The following MEIOB variants were observed in gnomAD, a reference collection of about 807,000 sequenced individuals.
The protein encoded by MEIOB is meiosis specific with OB-fold, also known as meiosis-specific with OB domain-containing protein.
MEIOB carries 50 observed loss-of-function variants against 53.1 expected under a neutral mutation model. The observed-to-expected ratio is 0.94, with a 90% CI of 0.75 to 1.19. The LOEUF (loss-of-function observed/expected upper bound fraction) is 1.19, where lower values mean the gene tolerates loss of function less well. Among genes scored for constraint, MEIOB ranks in the 50% most tolerant of loss-of-function variants. The pLI is 0.00. For synonymous variants in MEIOB, 192 were observed against 182.5 expected (o/e 1.05, Z -0.42); for missense variants, 551 against 550.8 (o/e 1.00, Z 0.00).
chr16:1,841,863 G>T lies in MEIOB; in HGVS notation c.991C>A (p.Leu331Ile), dbSNP rs1898919964. The stretch of plus-strand genomic sequence containing the variant: ...TTTGTAGTTTCATCATCAATGTTGA[G>T]TGTGGAAATGTAGGCATAAAGGATG... ...YGILYAYIST[L>I]NIDDETTKVV... The change falls in exon 11 of 14, where the codon CTC (leucine) becomes ATC (isoleucine). Residue 331 changes from leucine (L) to isoleucine (I), a missense_variant. By Grantham distance (5) the Leu-to-Ile change is conservative (BLOSUM62 2). Coordinates refer to ENST00000325962, the MANE Select transcript of MEIOB (RefSeq NM_001163560.3). 2.5e-6 allele frequency: 4 copies of T among 1,604,194 alleles called. No homozygotes were observed. Among genetic ancestry groups the T allele is most frequent in the Non-Finnish European group, 3.4e-6 (4 of 1,175,946 alleles).
chr16:1,834,556 G>C (rs1898688374), intron 13 of MEIOB, among the ~76,000 whole-genome samples, 190 bp from the exon 14 acceptor site: 1 of 152,196 alleles, frequency 6.6e-6, no homozygotes, highest in South Asian at 2.1e-4. Context: ...TTAATTTACA[G>C]GCCCAGCTTC....
chr16:1,848,597 C>T (rs1286021178), intron 9 of MEIOB, among the ~76,000 whole-genome samples: 1 of 138,192 alleles, frequency 7.2e-6, no homozygotes, highest in Non-Finnish European at 1.5e-5. Context: ...GGCTGGGATG[C>T]AGTGGCATGA....
At position 1,868,171 on chromosome 16, in the gene MEIOB, G is replaced by A; in HGVS notation, c.5C>T (p.Ala2Val). 6.6e-7 allele frequency: 1 copy of A among 1,517,458 alleles called. No homozygotes were observed. The highest frequency in any genetic ancestry group is 8.9e-7 in the Non-Finnish European group (1 of 1,121,216). The allele number at this position is 1,517,458 out of a possible 1,614,324, so 94.0% of individuals were successfully genotyped here. A position where few individuals can be genotyped will look rare whatever the true frequency, so the allele number is the denominator to read the frequency against. The change falls in exon 2 of 14, where the codon GCA becomes GTA. Residue 2 changes from alanine to valine, a missense_variant. Coordinates refer to ENST00000325962, the MANE Select transcript of MEIOB (RefSeq NM_001163560.3). MANSFAARIFTT... is the reference protein window; with the variant it reads MVNSFAARIFTT... The stretch of plus-strand genomic sequence containing the variant: ...GAAAATCCTCGCTGCAAAGGAGTTT[G>A]CCATTTTTTTAATCTGCATTTTAGA...
intron 6 of MEIOB, among the ~76,000 whole-genome samples, chr16:1,855,648 T>C (rs1899281592): frequency 6.6e-6 from 1 of 152,198 alleles, no homozygotes; most frequent in African/African-American, 2.4e-5. Context: ...AATAGCACTG[T>C]CTAGAATTTG....
chr16:1,847,540 G>C (rs1273159232), intron 9 of MEIOB, among the ~76,000 whole-genome samples: 1 of 151,732 alleles, frequency 6.6e-6, no homozygotes, highest in Admixed American at 6.6e-5. Context: ...GGAGGCTGAG[G>C]CAGGAGGATT....
chr16:1,860,089 C>G (rs976167944), intron 5 of MEIOB, among the ~76,000 whole-genome samples: 1 of 152,186 alleles, frequency 6.6e-6, no homozygotes. Context: ...TAGAAGGATA[C>G]CTTGACATGA....
chr16:1,851,208 C>CG (rs1300010240), intron 9 of MEIOB, among the ~76,000 whole-genome samples: 1 of 152,182 alleles, frequency 6.6e-6, no homozygotes, highest in African/African-American at 2.4e-5. Context: ...CATCTCTTCT[C>CG]AGAACAGCTC....
chr16:1,868,077 T>A, intron 2 of MEIOB, 30 bp downstream of exon 2: 1 of 1,193,724 alleles, frequency 8.4e-7, no homozygotes, highest in Non-Finnish European at 1.2e-6. Context: ...ATGTCATCAG[T>A]AAGCAAATCA....
chr16:1,857,841 T>C lies in MEIOB; in HGVS notation c.422A>G (p.His141Arg), dbSNP rs1334307596. 1 of 1,550,928 alleles carries C rather than the reference T, an allele frequency of 6.4e-7. No individual in the cohort carries two copies. The highest frequency in any genetic ancestry group is 1.4e-5 in the African/African-American group (1 of 73,042). ...EVDTKLLSLI[H>R]LPVKESHDYY... ...ATCATGAGACTCTTTAACAGGTAAA[T>C]GTATCAAAGAAAGTAACTTTGTGTC... Residue 141 changes from histidine (H) to arginine (R), a missense_variant, in exon 6 of 14, where the codon CAT becomes CGT. Physicochemically the swap from His to Arg is conservative, Grantham distance 29. Transcript: ENST00000325962.
Position 1,853,031 on chromosome 16 carries a change from T to C in MEIOB, c.778+8A>G. The C allele has an allele frequency of 2.5e-6, 4 of 1,583,276 alleles. No individual in the cohort carries two copies. The highest frequency in any genetic ancestry group is 3.5e-6 in the Non-Finnish European group (4 of 1,153,432). On this transcript the variant is annotated splice_region_variant and intron_variant, in intron 9 of 13. Transcript: ENST00000325962. The stretch of plus-strand genomic sequence containing the variant: ...CAAAGGGATAAAAGGTTTCACAAAG[T>C]TTTTTACCTGGATTAGTTGTAATAA...
intron 10 of MEIOB, among the ~76,000 whole-genome samples, chr16:1,844,647 A>G (rs952123697): frequency 6.6e-6 from 1 of 152,010 alleles, no homozygotes; most frequent in Admixed American, 6.6e-5. Flanking sequence ...TTTTTAGTAG[A>G]GACGGCGTTT....
intron 13 of MEIOB, among the ~76,000 whole-genome samples, chr16:1,836,214 CTTT>C: frequency 6.6e-6 from 1 of 152,172 alleles, no homozygotes; most frequent in East Asian, 1.9e-4. Flanking sequence ...GATTTTACAT[CTTT>C]TTATTTGTAA....
intron 10 of MEIOB, among the ~76,000 whole-genome samples, chr16:1,844,019 T>C (rs111288880): frequency 8.5e-5 from 13 of 152,248 alleles, no homozygotes; most frequent in African/African-American, 3.1e-4. Flanking sequence ...ATAATATTTT[T>C]ATGTCTTTAT....
At chr16:1,868,358 A>T (rs1388423400) in intron 1 of MEIOB, among the ~76,000 whole-genome samples, 174 bp from the exon 2 acceptor site, 1 of 151,942 alleles carries the variant, frequency 6.6e-6, no homozygotes, top group Non-Finnish European at 1.5e-5. Context: ...GGAGTTCAAG[A>T]CCAGCCTGGC....
At chr16:1,842,465 A>G (rs1898935134) in intron 10 of MEIOB, among the ~76,000 whole-genome samples, 1 of 150,054 alleles carries the variant, frequency 6.7e-6, no homozygotes, top group South Asian at 2.1e-4. Context: ...AAAAAAAAAA[A>G]AAAAAAAATT....
intron 13 of MEIOB, 99 bp from the exon 14 acceptor site, chr16:1,834,465 G>T (rs1898685988): frequency 3.1e-6 from 2 of 643,190 alleles, no homozygotes; most frequent in South Asian, 4.0e-5. Context: ...GAACTGCAAT[G>T]AAAGTTTTGT....
chr16:1,834,515 T>G, intron 13 of MEIOB, 149 bp from the exon 14 acceptor site: 1 of 535,088 alleles, frequency 1.9e-6, no homozygotes, highest in East Asian at 3.1e-5. Flanking sequence ...AGCTGTAAGA[T>G]GATGGGAAGA....
chr16:1,841,791 A>T, intron 11 of MEIOB, 29 bp downstream of exon 11: 1 of 1,454,092 alleles, frequency 6.9e-7, no homozygotes, highest in Non-Finnish European at 9.1e-7. Flanking sequence ...TACAAAAATG[A>T]ATTTGCTAAA....
chr16:1,864,196 T>C (rs1208324955), intron 3 of MEIOB, among the ~76,000 whole-genome samples: 3 of 152,168 alleles, frequency 2.0e-5, no homozygotes, highest in Non-Finnish European at 2.9e-5. Context: ...ATGTAAATTA[T>C]AGACATATTC....
Sources: gnomAD v4.1 joint callset for allele counts (sites outside exome capture counted in the v4.1 genomes callset) on GRCh38, gnomAD v4.1.1 for gene constraint, MANE v1.5 for transcripts, NCBI Gene and HGNC (gene_info 2026-07-23, HGNC 2026-07-21) for gene names.